TRIO: variants seen among roughly 807,000 people sequenced by gnomAD.
TRIO encodes trio Rho guanine nucleotide exchange factor, also known as triple functional domain protein.
In TRIO, 58 loss-of-function variants were observed where a neutral mutation model predicts 351.9. The observed-to-expected ratio is 0.16, with a 90% CI of 0.13 to 0.21. The LOEUF is 0.21. TRIO is among the 10% of genes least tolerant of loss of function. The probability of loss-of-function intolerance (pLI) is 1.00; values close to 1 mark genes in which losing one functional copy is unlikely to be tolerated. For missense variants in TRIO, 3,201 were observed against 4,027.8 expected (o/e 0.79, Z 5.56); for synonymous variants, 1,758 against 1,595.7 (o/e 1.10, Z -2.42).
chr5:14,351,886 G>A (rs1209086540), intron 11 of TRIO, among the ~76,000 whole-genome samples: 1 of 152,204 alleles, frequency 6.6e-6, no homozygotes, highest in Non-Finnish European at 1.5e-5. Flanking sequence ...TTAACTGGAG[G>A]CTTGGTCCTT....
At chr5:14,437,698 C>CT (rs1283470823) in intron 34 of TRIO, among the ~76,000 whole-genome samples, 14 of 146,450 alleles carry the variant, frequency 9.6e-5, no homozygotes, top group African/African-American at 3.7e-4. Flanking sequence ...CCCCCCCGCC[C>CT]CAAGGACCTC....
At chr5:14,459,118 C>T (rs748586830) in intron 34 of TRIO, among the ~76,000 whole-genome samples, 13 of 152,184 alleles carry the variant, frequency 8.5e-5, no homozygotes, top group Admixed American at 2.0e-4. Context: ...GCCTAAAACG[C>T]ATCATCTGTT....
intron 34 of TRIO, among the ~76,000 whole-genome samples, chr5:14,437,101 A>C (rs1040508724): frequency 6.6e-6 from 1 of 152,206 alleles, no homozygotes; most frequent in African/African-American, 2.4e-5. Context: ...TTTCTTTGAT[A>C]GTAAGACACT....
chr5:14,466,698 A>C (rs564043125), intron 37 of TRIO, among the ~76,000 whole-genome samples: 1 of 152,206 alleles, frequency 6.6e-6, no homozygotes, highest in Admixed American at 6.5e-5. Context: ...AGAGGTAACC[A>C]CTGCGAATAG....
At chr5:14,454,687 C>T (rs905166585) in intron 34 of TRIO, among the ~76,000 whole-genome samples, 2 of 152,238 alleles carry the variant, frequency 1.3e-5, no homozygotes, top group African/African-American at 2.4e-5. Context: ...AACAACCAGA[C>T]ATGGTGCCCT....
chr5:14,409,378 CAAA>C (rs533985839), intron 33 of TRIO, among the ~76,000 whole-genome samples: 4 of 83,956 alleles, frequency 4.8e-5, no homozygotes, highest in East Asian at 3.7e-4. Flanking sequence ...ATAGGTTTGC[CAAA>C]AAAAAAAAAA....
chr5:14,364,588 C>G, intron 14 of TRIO, 62 bp from the exon 15 acceptor site: 1 of 1,538,968 alleles, frequency 6.5e-7, no homozygotes, highest in South Asian at 1.3e-5. Context: ...TGCCATCCAC[C>G]CTTTGAGAAC....
intron 9 of TRIO, among the ~76,000 whole-genome samples, chr5:14,323,381 C>T (rs1740062813): frequency 6.6e-6 from 1 of 151,896 alleles, no homozygotes; most frequent in Admixed American, 6.6e-5. Context: ...AGGATGCCTA[C>T]CTTCTAAGCT....
intron 7 of TRIO, among the ~76,000 whole-genome samples, chr5:14,299,074 A>G (rs1433256882): frequency 6.6e-6 from 1 of 152,228 alleles, no homozygotes; most frequent in African/African-American, 2.4e-5. Flanking sequence ...TCAGAATTGT[A>G]AATAAACCCA....
At chr5:14,220,001 T>C (rs1329840060) in intron 1 of TRIO, among the ~76,000 whole-genome samples, 1 of 150,916 alleles carries the variant, frequency 6.6e-6, no homozygotes, top group East Asian at 1.9e-4. Context: ...CACTTTGTTC[T>C]ATTGTACAGA....
At chr5:14,289,397 A>C (rs529763135) in intron 4 of TRIO, among the ~76,000 whole-genome samples, 1 of 152,192 alleles carries the variant, frequency 6.6e-6, no homozygotes, top group East Asian at 1.9e-4. Context: ...AAAAACAAAC[A>C]AACAAAAATC....
intron 11 of TRIO, among the ~76,000 whole-genome samples, chr5:14,349,370 G>A (rs1338473540): frequency 1.3e-5 from 2 of 152,158 alleles, no homozygotes; most frequent in African/African-American, 2.4e-5. Flanking sequence ...GTGCACACAT[G>A]TGAGCATGTG....
intron 19 of TRIO, among the ~76,000 whole-genome samples, chr5:14,376,552 T>C (rs184897744): frequency 2.0e-5 from 3 of 152,374 alleles, no homozygotes; most frequent in Admixed American, 6.5e-5. Context: ...CTTAATAATA[T>C]ATCTTAGTCA....
chr5:14,290,092 C>A (rs955572013), intron 4 of TRIO, among the ~76,000 whole-genome samples: 2 of 152,086 alleles, frequency 1.3e-5, no homozygotes. Flanking sequence ...CATTCATATC[C>A]CATCATCTGT....
chr5:14,420,057 C>T, intron 34 of TRIO, 36 bp downstream of exon 34: 1 of 1,598,736 alleles, frequency 6.3e-7, no homozygotes. Context: ...CAGACCCCTA[C>T]TGGAAGTGGC....
Position 14,387,429 on chromosome 5 carries a change from T to G in TRIO, c.3571-9T>G. The stretch of plus-strand genomic sequence containing the variant: ...TTGCCTCACAATACTTTCCTGTTGT[T>G]TTTTGCAGCAAACCAAAGAGAGAGT... On this transcript the variant is annotated splice_polypyrimidine_tract_variant and intron_variant, in intron 21 of 56. Coordinates refer to ENST00000344204, the MANE Select transcript of TRIO (RefSeq NM_007118.4). 3 of 1,595,966 alleles carry G rather than the reference T, an allele frequency of 1.9e-6. No individual in the cohort carries two copies. Among genetic ancestry groups the G allele is most frequent in the Admixed American group, 1.7e-5 (1 of 57,436 alleles).
Position 14,364,800 on chromosome 5 carries a change from A to G in TRIO, c.2738A>G (p.Gln913Arg). ...CAGTGCGTGCAGCTGCGCCACCTGC[A>G]GGCAGAAGTGAAACAGGTGAGCAAA... Reference protein sequence around the residue: ...LEQCVQLRHLQAEVKQVLGWI... With the variant: ...LEQCVQLRHLRAEVKQVLGWI... The change falls in exon 15 of 57, where the codon CAG (glutamine) becomes CGG (arginine). Residue 913 changes from glutamine (Q) to arginine (R), a missense_variant. Gln to Arg is a conservative substitution (Grantham distance 43). Coordinates refer to ENST00000344204, the MANE Select transcript of TRIO (RefSeq NM_007118.4). 1.1e-5 allele frequency: 17 copies of G among 1,608,070 alleles called. No individual in the cohort carries two copies. Among genetic ancestry groups the G allele is most frequent in the Non-Finnish European group, 1.4e-5 (17 of 1,177,694 alleles).
At chr5:14,242,242 A>G (rs1794171175) in intron 1 of TRIO, among the ~76,000 whole-genome samples, 2 of 152,234 alleles carry the variant, frequency 1.3e-5, no homozygotes, top group Admixed American at 6.5e-5. Context: ...TCCGTTGACT[A>G]ACAGAAAGCT....
chr5:14,335,063 GT>G (rs1297945889), intron 10 of TRIO, among the ~76,000 whole-genome samples: 1 of 152,152 alleles, frequency 6.6e-6, no homozygotes, highest in Non-Finnish European at 1.5e-5. Flanking sequence ...ATTCACATCT[GT>G]CTGTTAAAAA....
Sources: allele counts gnomAD v4.1 joint callset (sites outside exome capture counted in the v4.1 genomes callset), GRCh38; gene constraint gnomAD v4.1.1; transcripts MANE v1.5; gene names NCBI Gene and HGNC (gene_info 2026-07-23, HGNC 2026-07-21).